VWA3A: variants seen among roughly 807,000 people sequenced by gnomAD.
The protein encoded by VWA3A is von Willebrand factor A domain containing 3A, also known as von Willebrand factor A domain-containing protein 3A.
A neutral mutation model predicts 160.4 loss-of-function variants in VWA3A; 134 were observed. The ratio of observed to expected loss-of-function variants is 0.84; its 90% CI spans 0.73 to 0.96. The LOEUF is 0.96. Ranked by LOEUF, VWA3A falls within the 40% of genes least tolerant of loss-of-function variation. The pLI, the probability that VWA3A is intolerant of heterozygous loss-of-function variation, is 0.00. For missense variants in VWA3A, 1,310 were observed against 1,447.9 expected (o/e 0.90, Z 1.55); for synonymous variants, 476 against 543.4 (o/e 0.88, Z 1.72).
At position 22,155,858 on chromosome 16, in the gene VWA3A, C is replaced by T; in HGVS notation, c.3511C>T (p.Leu1171Phe). 1 of 1,613,984 alleles carries T rather than the reference C, an allele frequency of 6.2e-7. No individual in the cohort carries two copies. Among genetic ancestry groups the T allele is most frequent in the East Asian group, 2.2e-5 (1 of 44,876 alleles). ...TCATCTCCTGCCCACCAGATCCCAACTCCAGAAGAAAAATGATGCAGAACC... is the reference window on the plus strand; with the variant it reads ...TCATCTCCTGCCCACCAGATCCCAATTCCAGAAGAAAAATGATGCAGAACC... ...LWQAQSFRSQ[L>F]QKKNDAEPKV... The change falls in exon 33 of 34, where the codon CTC (leucine) becomes TTC (phenylalanine). Residue 1171 changes from leucine to phenylalanine, a missense_variant. Transcript: ENST00000389398.
chr16:22,141,917 C>T (rs2046158076), intron 24 of VWA3A, among the ~76,000 whole-genome samples: 1 of 152,214 alleles, frequency 6.6e-6, no homozygotes. Context: ...GAAGATGAGA[C>T]CTCCTGAGAT....
chr16:22,136,847 A>G, intron 21 of VWA3A, among the ~76,000 whole-genome samples: 1 of 151,662 alleles, frequency 6.6e-6, no homozygotes, highest in East Asian at 1.9e-4. Flanking sequence ...CCTGGCTAAC[A>G]TGGTGAAACC....
Position 22,152,528 on chromosome 16 carries a change from T to G in VWA3A, c.3299T>G (p.Leu1100Arg). The G allele has an allele frequency of 6.2e-7, 1 of 1,612,580 alleles. No homozygotes were observed. Among genetic ancestry groups the G allele is most frequent in the Non-Finnish European group, 8.5e-7 (1 of 1,179,130 alleles). Residue 1100 changes from leucine (L) to arginine (R), a missense_variant, in exon 31 of 34, where the codon CTG becomes CGG. Leu to Arg is a moderately radical substitution (Grantham distance 102, BLOSUM62 -2). Transcript: ENST00000389398. ...CCTTCCAGAGCGGCGGTTGAGTTCC[T>G]GAGAAAGCTGGCTTCCTTCACCGGC... ...NCSDRAAVEFLRKLASFTGGR... is the reference protein window; with the variant it reads ...NCSDRAAVEFRRKLASFTGGR...
intron 23 of VWA3A, among the ~76,000 whole-genome samples, chr16:22,140,608 CT>C (rs1162326276): frequency 3.3e-3 from 449 of 134,530 alleles, no homozygotes; most frequent in East Asian, 0.019. Flanking sequence ...CCTGTCTCTA[CT>C]TTTTTTTTTT....
intron 16 of VWA3A, among the ~76,000 whole-genome samples, chr16:22,125,632 C>T (rs1383017323): frequency 6.6e-5 from 10 of 151,904 alleles, no homozygotes; most frequent in Admixed American, 5.2e-4. Flanking sequence ...ACCATGTTAG[C>T]CAGGATGGTC....
chr16:22,148,093 G>A (rs2046285136), intron 27 of VWA3A, 69 bp from the exon 28 acceptor site: 2 of 1,495,648 alleles, frequency 1.3e-6, no homozygotes, highest in Non-Finnish European at 1.8e-6. Flanking sequence ...TAGATAGAGT[G>A]AGGGAAACCA....
Position 22,149,899 on chromosome 16 carries a change from C to G in VWA3A, c.3097C>G (p.Gln1033Glu). The change falls in exon 29 of 34, where the codon CAG becomes GAG. Residue 1033 changes from glutamine (Q) to glutamate (E), a missense_variant. Transcript: ENST00000389398. ...GCAATGGGTGACCCACCTGCAAGCT[C>G]AGGGCAGCACCTCCATCTTGCAAGC... ...AMQWVTHLQA[Q>E]GSTSILQALL... 6.2e-7 allele frequency: 1 copy of G among 1,611,084 alleles called. No individual in the cohort carries two copies. The highest frequency in any genetic ancestry group is 8.5e-7 in the Non-Finnish European group (1 of 1,178,180).
chr16:22,122,840 G>A (rs868388750), intron 14 of VWA3A, among the ~76,000 whole-genome samples: 2 of 152,086 alleles, frequency 1.3e-5, no homozygotes, highest in Admixed American at 6.6e-5. Flanking sequence ...GTCAGGTATC[G>A]TCCATTCAGG....
chr16:22,116,151 T>A (rs1255860009), intron 9 of VWA3A, among the ~76,000 whole-genome samples: 327 of 78,526 alleles, frequency 4.2e-3, no homozygotes, highest in Middle Eastern at 8.2e-3. Context: ...GAGAGAGAAA[T>A]AAAAAGGAAG....
Position 22,123,718 on chromosome 16 carries a change from T to G in VWA3A, c.1532+11T>G. 1 of 1,611,500 alleles carries G rather than the reference T, an allele frequency of 6.2e-7. No individual in the cohort carries two copies. The highest frequency in any genetic ancestry group is 8.5e-7 in the Non-Finnish European group (1 of 1,178,502). On this transcript the variant is annotated intron_variant, in intron 16 of 33. Coordinates refer to ENST00000389398, the MANE Select transcript of VWA3A (RefSeq NM_173615.5). Reference sequence around the variant, plus strand: ...AGTCTGTGAAAAAAGGTACCTTTCTTAAGCAGGGTTCTTATCCTTCATGGG... The same window carrying G: ...AGTCTGTGAAAAAAGGTACCTTTCTGAAGCAGGGTTCTTATCCTTCATGGG...
chr16:22,131,150 G>A, intron 17 of VWA3A, 55 bp from the exon 18 acceptor site: 2 of 1,551,438 alleles, frequency 1.3e-6, no homozygotes, highest in African/African-American at 1.4e-5. Context: ...CAAAGAGGTG[G>A]GCCACCAAGT....
intron 26 of VWA3A, among the ~76,000 whole-genome samples, chr16:22,144,777 G>A (rs1379079631): frequency 6.6e-6 from 1 of 152,088 alleles, no homozygotes. Flanking sequence ...TTAGCCAGGT[G>A]CAGCTGTGTG....
rs528489963 is a variant in VWA3A, at chr16:22,106,315, G to T, written c.483+2786G>T. 5.5e-4 allele frequency among the ~76,000 whole-genome samples: 84 copies of T among 152,154 alleles called. 1 individual carries two copies. The highest frequency in any genetic ancestry group is 2.0e-3 in the African/African-American group (82 of 41,498). On this transcript the variant is annotated intron_variant, in intron 6 of 33. Transcript: ENST00000389398. ...CAGAAGAATTGCTTGAACCCAGGAG[G>T]CAGAGGTTGCAGTGAGCCGAGATCG...
chr16:22,138,194 G>T (rs574108039), intron 21 of VWA3A, among the ~76,000 whole-genome samples, 166 bp from the exon 22 acceptor site: 2 of 152,010 alleles, frequency 1.3e-5, no homozygotes, highest in East Asian at 1.9e-4. Context: ...TTGTTCATAG[G>T]ATTGGTCCAT....
chr16:22,150,950 C>G, intron 30 of VWA3A, 104 bp downstream of exon 30: 1 of 1,350,812 alleles, frequency 7.4e-7, no homozygotes, highest in Non-Finnish European at 9.9e-7. Context: ...CACTTAGACA[C>G]GGGTTTCTCC....
chr16:22,146,202 G>T lies in VWA3A; in HGVS notation c.2731-34G>T, dbSNP rs924458339. 3 of 1,529,614 alleles carry T rather than the reference G, an allele frequency of 2.0e-6. 1 individual carries two copies. The Admixed American group carries it at 5.2e-5, about 26-fold the overall frequency. 94.8% of individuals were successfully genotyped at this position (1,529,614 alleles called of 1,614,324 possible). ...TGGGGATATGAAGAAATGACTGATG[G>T]GGTGGGTGCTTGCCTCTGCTTGCCT... On this transcript the variant is annotated intron_variant, in intron 26 of 33. Coordinates refer to ENST00000389398, the MANE Select transcript of VWA3A (RefSeq NM_173615.5).
intron 26 of VWA3A, among the ~76,000 whole-genome samples, chr16:22,145,368 G>A (rs1419076304): frequency 1.3e-5 from 2 of 152,186 alleles, no homozygotes; most frequent in Non-Finnish European, 2.9e-5. Flanking sequence ...GCCAGACGCA[G>A]TGGCTCATGC....
At chr16:22,127,204 G>A (rs1229122986) in intron 17 of VWA3A, among the ~76,000 whole-genome samples, 1 of 151,928 alleles carries the variant, frequency 6.6e-6, no homozygotes, top group African/African-American at 2.4e-5. Context: ...TAAGTTCACT[G>A]CAGCCTCCTC....
In VWA3A at chr16:22,115,446, T is replaced by C; in HGVS notation, c.789T>C (p.Asp263=). The C allele has an allele frequency of 4.4e-6, 7 of 1,608,974 alleles. No homozygotes were observed. The highest frequency in any genetic ancestry group is 5.1e-6 in the Non-Finnish European group (6 of 1,178,016). Residue 263 remains aspartate, a synonymous_variant, in exon 9 of 34, where the codon GAT becomes GAC. Coordinates refer to ENST00000389398, the MANE Select transcript of VWA3A (RefSeq NM_173615.5). ...LKKIFTLKGL[D]SLVAIMRSCP... ...AGATCTTCACTCTCAAGGGACTGGA[T>C]TCCCTGGTGGCCATCATGAGAAGCT...
Sources: allele counts gnomAD v4.1 joint callset (sites outside exome capture counted in the v4.1 genomes callset), GRCh38; gene constraint gnomAD v4.1.1; transcripts MANE v1.5; gene names NCBI Gene and HGNC (gene_info 2026-07-23, HGNC 2026-07-21).